The following ENTHD1 variants were observed in gnomAD, a reference collection of about 807,000 sequenced individuals.
ENTHD1 encodes ENTH domain containing 1, also known as ENTH domain-containing protein 1.
Under a neutral mutation model 39.1 loss-of-function variants are expected in ENTHD1, and 23 were observed. The ratio of observed to expected loss-of-function variants is 0.59; its 90% CI spans 0.42 to 0.83. The LOEUF (loss-of-function observed/expected upper bound fraction) is 0.83, where lower values mean the gene tolerates loss of function less well. Ranked by LOEUF, ENTHD1 falls within the 40% of genes least tolerant of loss-of-function variation. The probability of loss-of-function intolerance (pLI) is 0.00; values close to 1 mark genes in which losing one functional copy is unlikely to be tolerated. For missense variants in ENTHD1, 624 were observed against 705.4 expected, an observed-to-expected ratio of 0.88 and a Z score of 1.31; for synonymous variants, 230 against 258.2, an observed-to-expected ratio of 0.89 and a Z score of 1.05.
intron 3 of ENTHD1, among the ~76,000 whole-genome samples, chr22:39,845,308 C>G (rs2146693383): frequency 6.6e-6 from 1 of 152,274 alleles, no homozygotes; most frequent in Non-Finnish European, 1.5e-5. Context: ...AGTAGCCAGT[C>G]CAAGGTCATA....
intron 3 of ENTHD1, among the ~76,000 whole-genome samples, chr22:39,839,913 T>C (rs2065931789): frequency 6.6e-6 from 1 of 152,232 alleles, no homozygotes; most frequent in Admixed American, 6.5e-5. Context: ...TAGAATAGCC[T>C]AAATGTAGTA....
intron 5 of ENTHD1, among the ~76,000 whole-genome samples, chr22:39,806,769 A>G (rs1300628862): frequency 6.6e-6 from 1 of 152,132 alleles, no homozygotes; most frequent in Non-Finnish European, 1.5e-5. Context: ...GGAGAACAAT[A>G]GCCCCTGCCT....
intron 5 of ENTHD1, among the ~76,000 whole-genome samples, chr22:39,799,113 G>A (rs2065576934): frequency 6.6e-6 from 1 of 152,230 alleles, no homozygotes; most frequent in East Asian, 1.9e-4. Context: ...GGCACTGGCT[G>A]TAGTGGGGTG....
intron 6 of ENTHD1, among the ~76,000 whole-genome samples, chr22:39,762,187 C>G (rs1257606168): frequency 6.6e-6 from 1 of 152,032 alleles, no homozygotes; most frequent in African/African-American, 2.4e-5. Context: ...TCGCTGGGGT[C>G]CCCCTATACG....
chr22:39,820,367 C>T (rs770222270), intron 5 of ENTHD1, among the ~76,000 whole-genome samples: 1 of 152,046 alleles, frequency 6.6e-6, no homozygotes, highest in East Asian at 1.9e-4. Flanking sequence ...GAGAACGTTT[C>T]GTTCTCATGG....
intron 5 of ENTHD1, among the ~76,000 whole-genome samples, chr22:39,774,277 C>A (rs1330337495): frequency 3.3e-5 from 5 of 152,156 alleles, no homozygotes; most frequent in Non-Finnish European, 7.3e-5. Context: ...TGACTTTCCT[C>A]TTCTGCCTTT....
At chr22:39,816,379 G>C (rs1393362053) in intron 5 of ENTHD1, among the ~76,000 whole-genome samples, 1 of 152,038 alleles carries the variant, frequency 6.6e-6, no homozygotes, top group East Asian at 1.9e-4. Context: ...GTTTATAAAA[G>C]CAAAAATACA....
intron 5 of ENTHD1, among the ~76,000 whole-genome samples, chr22:39,804,535 A>G (rs1433737681): frequency 6.6e-6 from 1 of 152,002 alleles, no homozygotes; most frequent in Admixed American, 6.6e-5. Context: ...GACATCCCCA[A>G]CCTTTTGCTC....
At chr22:39,750,410 TC>T in intron 6 of ENTHD1, 1 of 157,732 alleles carries the variant, frequency 6.3e-6, no homozygotes. Flanking sequence ...ATGCAATGTG[TC>T]CATCCTTTGC....
At chr22:39,789,967 G>A (rs578189599) in intron 5 of ENTHD1, among the ~76,000 whole-genome samples, 1 of 152,220 alleles carries the variant, frequency 6.6e-6, no homozygotes, top group South Asian at 2.1e-4. Context: ...GTGGATCAGT[G>A]GAGGGCAGAG....
intron 1 of ENTHD1, among the ~76,000 whole-genome samples, chr22:39,891,932 T>A (rs1404556009): frequency 6.6e-6 from 1 of 152,112 alleles, no homozygotes; most frequent in Non-Finnish European, 1.5e-5. Context: ...AAAAAAAATT[T>A]TTTTTTTAGA....
chr22:39,886,944 GCCT>G (rs1459569681), intron 2 of ENTHD1, among the ~76,000 whole-genome samples: 1 of 152,002 alleles, frequency 6.6e-6, no homozygotes, highest in Non-Finnish European at 1.5e-5. Context: ...AAATTGCCAT[GCCT>G]CCTATTTTAT....
chr22:39,857,906 T>G (rs2066108244), intron 3 of ENTHD1, among the ~76,000 whole-genome samples: 1 of 152,234 alleles, frequency 6.6e-6, no homozygotes, highest in Non-Finnish European at 1.5e-5. Context: ...TTCATCTTTT[T>G]GCTGGTGGAG....
intron 5 of ENTHD1, among the ~76,000 whole-genome samples, chr22:39,803,350 A>G (rs975043971): frequency 2.6e-5 from 4 of 151,814 alleles, no homozygotes; most frequent in African/African-American, 9.7e-5. Flanking sequence ...ACCTCATAAC[A>G]TCTCTGCATA....
chr22:39,818,444 A>G (rs911863568), intron 5 of ENTHD1, among the ~76,000 whole-genome samples: 1 of 152,260 alleles, frequency 6.6e-6, no homozygotes, highest in African/African-American at 2.4e-5. Flanking sequence ...TGTGTTACAC[A>G]GTCAAAGTAA....
At chr22:39,883,278 T>C (rs2066354423) in intron 2 of ENTHD1, among the ~76,000 whole-genome samples, 1 of 152,098 alleles carries the variant, frequency 6.6e-6, no homozygotes, top group African/African-American at 2.4e-5. Context: ...ATAGTGTACT[T>C]GTACTTACTT....
chr22:39,829,241 G>A (rs1053895170), intron 4 of ENTHD1, among the ~76,000 whole-genome samples: 5 of 152,110 alleles, frequency 3.3e-5, no homozygotes, highest in African/African-American at 1.2e-4. Flanking sequence ...TTTGAAAAAG[G>A]AAAATCCAAC....
chr22:39,816,978 AAAT>A (rs2065738839), intron 5 of ENTHD1, among the ~76,000 whole-genome samples: 1 of 152,048 alleles, frequency 6.6e-6, no homozygotes, highest in Admixed American at 6.6e-5. Context: ...TAAATGAAAA[AAAT>A]AAAAAATAGG....
intron 5 of ENTHD1, among the ~76,000 whole-genome samples, chr22:39,787,701 C>T (rs1342509788): frequency 6.6e-6 from 1 of 152,136 alleles, no homozygotes; most frequent in Non-Finnish European, 1.5e-5. Context: ...GATGAGCAAG[C>T]TGCAGAAGAA....
Sources: gnomAD v4.1 joint callset for allele counts (sites outside exome capture counted in the v4.1 genomes callset) on GRCh38, gnomAD v4.1.1 for gene constraint, MANE v1.5 for transcripts, NCBI Gene and HGNC (gene_info 2026-07-23, HGNC 2026-07-21) for gene names.